IQCJ: variants seen among roughly 807,000 people sequenced by gnomAD.
IQCJ encodes IQ motif containing J, also known as IQ domain-containing protein J.
IQCJ carries 9 observed loss-of-function variants against 11.0 expected under a neutral mutation model. That is an observed-to-expected ratio of 0.82 (90% CI 0.49 to 1.43). IQCJ has a LOEUF of 1.43. Ranked by LOEUF, IQCJ falls within the 40% of genes most tolerant of loss-of-function variation. The pLI is 0.00. For missense variants in IQCJ, 146 were observed against 133.2 expected (o/e 1.10, Z -0.47); for synonymous variants, 55 against 51.3 (o/e 1.07, Z -0.31).
intron 1 of IQCJ, among the ~76,000 whole-genome samples, chr3:159,114,255 A>G (rs978908593): frequency 6.6e-6 from 1 of 151,200 alleles, no homozygotes; most frequent in Non-Finnish European, 1.5e-5. Flanking sequence ...AATCTTTTGT[A>G]TCTCACACTT....
chr3:159,093,194 A>T (rs557836651), intron 1 of IQCJ, among the ~76,000 whole-genome samples: 5 of 151,808 alleles, frequency 3.3e-5, no homozygotes, highest in Non-Finnish European at 7.4e-5. Flanking sequence ...GTAGGTTAGC[A>T]TATAAACCTG....
chr3:159,118,212 A>G (rs1719142297), intron 1 of IQCJ, among the ~76,000 whole-genome samples: 1 of 152,122 alleles, frequency 6.6e-6, no homozygotes, highest in African/African-American at 2.4e-5. Flanking sequence ...AGAAATGGGG[A>G]AGCGATCAGG....
chr3:159,135,922 G>A (rs1720264645), intron 1 of IQCJ, among the ~76,000 whole-genome samples: 2 of 152,176 alleles, frequency 1.3e-5, no homozygotes, highest in African/African-American at 2.4e-5. Context: ...AACTTAATAT[G>A]TTAAAGCTAC....
At chr3:159,142,976 T>C (rs1020099192) in intron 1 of IQCJ, among the ~76,000 whole-genome samples, 19 of 152,228 alleles carry the variant, frequency 1.2e-4, no homozygotes, top group African/African-American at 4.6e-4. Context: ...CATTTGTTTT[T>C]CATTATCATG....
chr3:159,151,104 T>C (rs889074808), intron 1 of IQCJ, among the ~76,000 whole-genome samples: 2 of 152,174 alleles, frequency 1.3e-5, no homozygotes, highest in Admixed American at 6.5e-5. Flanking sequence ...TGCAGCACAC[T>C]GGATTGGGTG....
At chr3:159,106,212 G>T (rs921865899) in intron 1 of IQCJ, among the ~76,000 whole-genome samples, 4 of 152,192 alleles carry the variant, frequency 2.6e-5, no homozygotes, top group African/African-American at 7.2e-5. Context: ...TGGAAGGCTG[G>T]GAGCTCTGTT....
chr3:159,193,711 T>A (rs1723816492), intron 1 of IQCJ, among the ~76,000 whole-genome samples: 2 of 152,224 alleles, frequency 1.3e-5, no homozygotes, highest in Admixed American at 1.3e-4. Context: ...TATTAGAATG[T>A]AATCAACTTG....
At chr3:159,159,090 G>T (rs1055077857) in intron 1 of IQCJ, among the ~76,000 whole-genome samples, 5 of 152,178 alleles carry the variant, frequency 3.3e-5, no homozygotes, top group Non-Finnish European at 5.9e-5. Flanking sequence ...CCCCTTTGTT[G>T]TAGTTTTAAT....
chr3:159,087,199 T>A (rs1716848275), intron 1 of IQCJ, among the ~76,000 whole-genome samples: 1 of 152,202 alleles, frequency 6.6e-6, no homozygotes, highest in Non-Finnish European at 1.5e-5. Flanking sequence ...TCTTTGGTTC[T>A]GTTTATATGC....
chr3:159,188,580 T>C (rs1723506664), intron 1 of IQCJ, among the ~76,000 whole-genome samples: 1 of 152,238 alleles, frequency 6.6e-6, no homozygotes, highest in Non-Finnish European at 1.5e-5. Context: ...TATGGTACTT[T>C]TGTTACAATT....
At chr3:159,094,569 A>G (rs894185520) in intron 1 of IQCJ, among the ~76,000 whole-genome samples, 1 of 151,432 alleles carries the variant, frequency 6.6e-6, no homozygotes, top group East Asian at 1.9e-4. Context: ...CCATCCTTCA[A>G]TGTTGTCTTT....
At position 159,142,281 on chromosome 3, in the gene IQCJ, A is replaced by T. The variant is rs559354690; in HGVS notation, c.9+72840A>T. ...TCCCAAGGATTGTTCAGAGGCAAAA[A>T]ACTGCTTGAGGTGTGTACCCAAAGA... On this transcript the variant is annotated intron_variant, in intron 1 of 3. Transcript: ENST00000397832. Among the ~76,000 whole-genome samples, 3 of 152,188 alleles carry T rather than the reference A, an allele frequency of 2.0e-5. No individual in the cohort carries two copies. The South Asian group carries it at 6.2e-4, about 32-fold the overall frequency.
At chr3:159,114,564 G>A (rs536818524) in intron 1 of IQCJ, among the ~76,000 whole-genome samples, 62 of 152,124 alleles carry the variant, frequency 4.1e-4, no homozygotes, top group Middle Eastern at 3.4e-3. Flanking sequence ...ACCCCCCCTC[G>A]GCCTCTCAAA....
rs760296981 is a variant in IQCJ at position 159,262,649 on chromosome 3, T to C, written c.257T>C (p.Val86Ala). 109 of 1,613,894 alleles carry C rather than the reference T, an allele frequency of 6.8e-5. No individual in the cohort carries two copies. Among genetic ancestry groups the C allele is most frequent in the Non-Finnish European group, 9.1e-5 (107 of 1,179,884 alleles). Residue 86 changes from valine (V) to alanine (A), a missense_variant, in exon 4 of 4, where the codon GTC (valine) becomes GCC (alanine). By Grantham distance (64) the Val-to-Ala change is moderately conservative (BLOSUM62 0). Coordinates refer to ENST00000397832, the MANE Select transcript of IQCJ (RefSeq NM_001042706.3). ...SVSSEKLSSSVSMNTFSDSST... is the reference protein window; with the variant it reads ...SVSSEKLSSSASMNTFSDSST... ...TCCTCAGAGAAGCTGAGCAGCTCTG[T>C]CAGCATGAACACCTTCTCCGACAGC...
chr3:159,111,653 C>T (rs534182549), intron 1 of IQCJ, among the ~76,000 whole-genome samples: 2 of 152,246 alleles, frequency 1.3e-5, no homozygotes, highest in East Asian at 1.9e-4. Context: ...AATGACATCA[C>T]CCCTCACATG....
At chr3:159,259,994 G>C (rs1577122848) in intron 3 of IQCJ, among the ~76,000 whole-genome samples, 1 of 151,980 alleles carries the variant, frequency 6.6e-6, no homozygotes, top group Admixed American at 6.5e-5. Context: ...AAAGTCAGTG[G>C]GTGCACAGAT....
intron 1 of IQCJ, among the ~76,000 whole-genome samples, chr3:159,194,809 C>A (rs1723889594): frequency 6.6e-6 from 1 of 152,166 alleles, no homozygotes; most frequent in Admixed American, 6.5e-5. Flanking sequence ...AAGTCCTTGG[C>A]AGGATTTAAA....
intron 1 of IQCJ, among the ~76,000 whole-genome samples, chr3:159,201,725 C>A (rs1724358638): frequency 6.7e-6 from 1 of 149,706 alleles, no homozygotes; most frequent in Non-Finnish European, 1.5e-5. Flanking sequence ...AGCTCCGCCT[C>A]CCGGGTTCAC....
In IQCJ at chr3:159,263,429, T is replaced by A. The variant is rs1289236579; in HGVS notation, c.*698T>A. Reference sequence around the variant, plus strand: ...GATAGAGAGTTAAGGAATAAGGGAATCTGCTGGAAGTCTTTATTTTTAAAA... The same window carrying A: ...GATAGAGAGTTAAGGAATAAGGGAAACTGCTGGAAGTCTTTATTTTTAAAA... On this transcript the variant is annotated 3_prime_UTR_variant, in exon 4 of 4. Coordinates refer to ENST00000397832, the MANE Select transcript of IQCJ (RefSeq NM_001042706.3). 5.1e-6 allele frequency: 5 copies of A among 983,502 alleles called. No individual in the cohort carries two copies. The highest frequency in any genetic ancestry group is 6.0e-6 in the Non-Finnish European group (5 of 828,326). 60.9% of individuals were successfully genotyped at this position (983,502 alleles called of 1,614,324 possible). A position where few individuals can be genotyped will look rare whatever the true frequency, so the allele number is the denominator to read the frequency against.
Sources: allele counts gnomAD v4.1 joint callset (sites outside exome capture counted in the v4.1 genomes callset), GRCh38; gene constraint gnomAD v4.1.1; transcripts MANE v1.5; gene names NCBI Gene and HGNC (gene_info 2026-07-23, HGNC 2026-07-21).